Variants in TRABD2B observed in about 807,000 individuals in gnomAD.
TRABD2B encodes the protein TraB domain containing 2B, also known as metalloprotease TIKI2.
In TRABD2B, 14 loss-of-function variants were observed where a neutral mutation model predicts 40.1. That is an observed-to-expected ratio of 0.35 (90% CI 0.23 to 0.55). TRABD2B has a LOEUF of 0.55. TRABD2B is among the 20% of genes least tolerant of loss of function. TRABD2B has a pLI of 0.90. For missense variants in TRABD2B, 541 were observed against 648.6 expected (o/e 0.83, Z 1.80); for synonymous variants, 263 against 277.0 (o/e 0.95, Z 0.50).
At chr1:47,912,433 T>C (rs768958555) in intron 2 of TRABD2B, among the ~76,000 whole-genome samples, 8 of 152,310 alleles carry the variant, frequency 5.3e-5, no homozygotes, top group Middle Eastern at 3.4e-3. Flanking sequence ...TTGAGACATA[T>C]ATGTACTTAT....
chr1:47,857,714 C>G (rs1330685785), intron 2 of TRABD2B, among the ~76,000 whole-genome samples: 1 of 152,094 alleles, frequency 6.6e-6, no homozygotes, highest in Non-Finnish European at 1.5e-5. Context: ...TGAAGGAACT[C>G]TCCCCAGATC....
rs912350343 is a variant in TRABD2B at position 47,948,369 on chromosome 1, C to T, written c.666+45665G>A. Reference sequence around the variant, plus strand: ...CAAACATTAAACTTCCCAATCAGGCCGGAACTGTCACCCCAGCAAACCTGC... The same window carrying T: ...CAAACATTAAACTTCCCAATCAGGCTGGAACTGTCACCCCAGCAAACCTGC... On this transcript the variant is annotated intron_variant, in intron 2 of 6. Coordinates refer to ENST00000606738, the MANE Select transcript of TRABD2B (RefSeq NM_001194986.2). 3.3e-5 allele frequency among the ~76,000 whole-genome samples: 5 copies of T among 152,236 alleles called. 1 individual carries two copies. Among genetic ancestry groups the T allele is most frequent in the South Asian group, 4.1e-4 (2 of 4,826 alleles).
chr1:47,866,851 C>A (rs924245749), intron 2 of TRABD2B, among the ~76,000 whole-genome samples: 1 of 152,170 alleles, frequency 6.6e-6, no homozygotes, highest in African/African-American at 2.4e-5. Flanking sequence ...GGCTGAAAGG[C>A]CTTGGGCGCC....
intron 2 of TRABD2B, among the ~76,000 whole-genome samples, chr1:47,936,201 A>G (rs546888210): frequency 6.6e-6 from 1 of 152,336 alleles, no homozygotes; most frequent in Admixed American, 6.5e-5. Context: ...CCAATGATCA[A>G]AGAGAAGAGA....
chr1:47,858,756 T>A (rs1186441905), intron 2 of TRABD2B, among the ~76,000 whole-genome samples: 1 of 152,208 alleles, frequency 6.6e-6, no homozygotes, highest in East Asian at 1.9e-4. Flanking sequence ...AGGCAGCCAG[T>A]GTTGCTGTCT....
At chr1:47,910,640 T>C (rs926361616) in intron 2 of TRABD2B, among the ~76,000 whole-genome samples, 2 of 151,740 alleles carry the variant, frequency 1.3e-5, no homozygotes, top group Admixed American at 6.6e-5. Flanking sequence ...AGCCCTAGAG[T>C]GTAGTAGTTA....
chr1:47,811,977 C>G (rs1037279262), intron 2 of TRABD2B, among the ~76,000 whole-genome samples: 1 of 152,192 alleles, frequency 6.6e-6, no homozygotes, highest in South Asian at 2.1e-4. Context: ...TTCTTCAGAG[C>G]CCTGTGAGGA....
intron 2 of TRABD2B, among the ~76,000 whole-genome samples, chr1:47,859,574 C>G (rs1643936069): frequency 6.6e-6 from 1 of 152,224 alleles, no homozygotes. Context: ...TCTGGCCTGA[C>G]CCTGGAGTTT....
intron 2 of TRABD2B, among the ~76,000 whole-genome samples, chr1:47,886,430 T>G (rs541429613): frequency 6.6e-6 from 1 of 152,350 alleles, no homozygotes; most frequent in East Asian, 1.9e-4. Flanking sequence ...GACACCTAGC[T>G]GGTGTTAGGG....
chr1:47,791,693 C>A lies in TRABD2B; in HGVS notation c.988+2893G>T, dbSNP rs191768547. Among the ~76,000 whole-genome samples the A allele has an allele frequency of 5.3e-3, 811 of 152,260 alleles. 3 individuals are homozygous for A. Among genetic ancestry groups the A allele is most frequent in the Non-Finnish European group, 4.9e-3 (333 of 68,018 alleles). On this transcript the variant is annotated intron_variant, in intron 4 of 6. Transcript: ENST00000606738. ...GAGAGTGCTTAGTCCCAGCTCTGCA[C>A]GTAAGTCAGCCTGTCACCAGATGTG...
At chr1:47,941,243 G>C (rs577586769) in intron 2 of TRABD2B, among the ~76,000 whole-genome samples, 1 of 152,186 alleles carries the variant, frequency 6.6e-6, no homozygotes, top group Non-Finnish European at 1.5e-5. Context: ...TAGAGTAGAA[G>C]TCCCCAAGCT....
Position 47,835,237 on chromosome 1 carries a change from T to C in TRABD2B, c.667-33618A>G, listed in dbSNP as rs541477490. Among the ~76,000 whole-genome samples the C allele has an allele frequency of 1.1e-4, 16 of 152,220 alleles. No homozygotes were observed. In the South Asian group the frequency reaches 3.3e-3, roughly 32 times the overall value. On this transcript the variant is annotated intron_variant, in intron 2 of 6. Transcript: ENST00000606738. Reference sequence around the variant, plus strand: ...TTTGAAGATAGGCCAATTGGGATTATTCAGTCTGAGGAACAAAAAGATAAA... The same window carrying C: ...TTTGAAGATAGGCCAATTGGGATTACTCAGTCTGAGGAACAAAAAGATAAA...
intron 5 of TRABD2B, among the ~76,000 whole-genome samples, chr1:47,776,472 G>A (rs1281389699): frequency 6.6e-6 from 1 of 152,208 alleles, no homozygotes; most frequent in African/African-American, 2.4e-5. Context: ...GATGTTGGCC[G>A]ACAAGCAAAT....
In TRABD2B at chr1:47,834,579, G is replaced by GCA. The variant is rs3035710; in HGVS notation, c.667-32962_667-32961dup. Among the ~76,000 whole-genome samples, 974 of 148,922 alleles carry GCA rather than the reference G, an allele frequency of 6.5e-3. 14 individuals carry two copies. Among genetic ancestry groups the GCA allele is most frequent in the African/African-American group, 0.021 (841 of 40,616 alleles). ...TGTGCTCCAACACACACACACACGC[G>GCA]CACACACACACACACACACACACAG... On this transcript the variant is annotated intron_variant, in intron 2 of 6. Transcript: ENST00000606738.
intron 2 of TRABD2B, among the ~76,000 whole-genome samples, chr1:47,838,530 C>T (rs924503110): frequency 2.0e-5 from 3 of 152,186 alleles, no homozygotes; most frequent in Non-Finnish European, 2.9e-5. Flanking sequence ...TTCTCTGAAT[C>T]TTCTGTTTCC....
chr1:47,888,997 C>T (rs573138875), intron 2 of TRABD2B, among the ~76,000 whole-genome samples: 3 of 152,294 alleles, frequency 2.0e-5, no homozygotes, highest in South Asian at 2.1e-4. Flanking sequence ...TTGTACTTGG[C>T]GCCCTTGCTT....
At chr1:47,995,480 C>T (rs1646075519) in intron 1 of TRABD2B, among the ~76,000 whole-genome samples, 2 of 149,842 alleles carry the variant, frequency 1.3e-5, no homozygotes, top group Non-Finnish European at 1.5e-5. Context: ...ACCTAAGCTC[C>T]GACTTAGGGG....
intron 2 of TRABD2B, among the ~76,000 whole-genome samples, chr1:47,930,353 T>G (rs1315851810): frequency 6.6e-6 from 1 of 152,180 alleles, no homozygotes; most frequent in Non-Finnish European, 1.5e-5. Context: ...GTGTTGGGGT[T>G]TCTCTGGGCA....
chr1:47,802,572 T>C (rs948613100), intron 2 of TRABD2B, among the ~76,000 whole-genome samples: 3 of 152,178 alleles, frequency 2.0e-5, no homozygotes, highest in African/African-American at 7.2e-5. Flanking sequence ...ACTTGGTCCC[T>C]GTACAGAAAG....
Sources: allele counts gnomAD v4.1 joint callset (sites outside exome capture counted in the v4.1 genomes callset), GRCh38; gene constraint gnomAD v4.1.1; transcripts MANE v1.5; gene names NCBI Gene and HGNC (gene_info 2026-07-23, HGNC 2026-07-21).